RNLS: variants seen among roughly 807,000 people sequenced by gnomAD.
RNLS encodes renalase.
A neutral mutation model predicts 39.8 loss-of-function variants in RNLS; 39 were observed. The observed-to-expected ratio is 0.98, with a 90% CI of 0.76 to 1.28. RNLS has a LOEUF of 1.28. RNLS is among the 50% of genes most tolerant of loss of function. RNLS has a pLI of 0.00. For missense variants in RNLS, 410 were observed against 413.3 expected (o/e 0.99, Z 0.07); for synonymous variants, 147 against 150.7 (o/e 0.98, Z 0.18).
At chr10:88,561,050 T>C (rs1849158874) in intron 4 of RNLS, among the ~76,000 whole-genome samples, 1 of 150,846 alleles carries the variant, frequency 6.6e-6, no homozygotes, top group African/African-American at 2.4e-5. Flanking sequence ...CTAGCTGGAG[T>C]TTAGGGTAGA....
At chr10:88,317,138 G>T (rs1370030235) in intron 5 of RNLS, among the ~76,000 whole-genome samples, 2 of 152,128 alleles carry the variant, frequency 1.3e-5, no homozygotes, top group Non-Finnish European at 2.9e-5. Flanking sequence ...TAAATGTAAA[G>T]CTCACAGTAA....
intron 4 of RNLS, among the ~76,000 whole-genome samples, chr10:88,421,399 C>A (rs1170585487): frequency 6.6e-6 from 1 of 152,206 alleles, no homozygotes; most frequent in South Asian, 2.1e-4. Context: ...CAACATATTG[C>A]TGTTTACCCA....
chr10:88,446,356 A>G (rs998128905), intron 4 of RNLS, among the ~76,000 whole-genome samples: 3 of 152,218 alleles, frequency 2.0e-5, no homozygotes, highest in African/African-American at 7.2e-5. Context: ...CCCACAAGAG[A>G]AAGTAGGAAA....
intron 4 of RNLS, among the ~76,000 whole-genome samples, chr10:88,509,920 T>C (rs1201096074): frequency 5.3e-5 from 8 of 152,202 alleles, no homozygotes; most frequent in Non-Finnish European, 1.2e-4. Flanking sequence ...GGACTGTTTC[T>C]GCCAAGATGA....
At chr10:88,390,470 A>G (rs1437931256) in intron 4 of RNLS, among the ~76,000 whole-genome samples, 1 of 152,226 alleles carries the variant, frequency 6.6e-6, no homozygotes, top group African/African-American at 2.4e-5. Context: ...ATTATTTAGT[A>G]TTATTTCAGT....
chr10:88,493,643 T>G (rs1845006330), intron 4 of RNLS, among the ~76,000 whole-genome samples: 1 of 152,162 alleles, frequency 6.6e-6, no homozygotes, highest in Non-Finnish European at 1.5e-5. Flanking sequence ...GTTGCAGGGA[T>G]AGATCTATGA....
At chr10:88,394,557 A>G (rs1306882663) in intron 4 of RNLS, among the ~76,000 whole-genome samples, 2 of 152,200 alleles carry the variant, frequency 1.3e-5, no homozygotes, top group African/African-American at 2.4e-5. Flanking sequence ...GGTGCTGGAG[A>G]GAATGTGGAG....
At chr10:88,210,858 T>C in the RNLS span, among the ~76,000 whole-genome samples, 1 of 152,166 alleles carries the variant, frequency 6.6e-6, no homozygotes, top group Admixed American at 6.5e-5. Flanking sequence ...TTCCCCCTTT[T>C]TAAGTGTGAG....
intron 4 of RNLS, among the ~76,000 whole-genome samples, chr10:88,370,801 T>C (rs577248735): frequency 2.0e-5 from 3 of 152,232 alleles, no homozygotes; most frequent in African/African-American, 7.2e-5. Context: ...GAGTTTGAAA[T>C]TTTACCACTC....
intron 4 of RNLS, among the ~76,000 whole-genome samples, chr10:88,556,844 C>A (rs1200753360): frequency 6.6e-6 from 1 of 152,144 alleles, no homozygotes; most frequent in Non-Finnish European, 1.5e-5. Flanking sequence ...TTTCTCCTAT[C>A]TTGTTTTCTC....
intron 4 of RNLS, among the ~76,000 whole-genome samples, chr10:88,543,544 AC>A (rs1848151490): frequency 6.6e-6 from 1 of 152,206 alleles, no homozygotes; most frequent in Non-Finnish European, 1.5e-5. Flanking sequence ...TAAAAAAGAC[AC>A]ATAGGAAATG....
intron 6 of RNLS, among the ~76,000 whole-genome samples, chr10:88,292,738 C>G (rs1318372093): frequency 7.2e-5 from 11 of 152,024 alleles, no homozygotes. Context: ...GATACTCACA[C>G]TGCATCTTTT....
intron 4 of RNLS, among the ~76,000 whole-genome samples, chr10:88,494,459 G>C (rs1845057719): frequency 6.6e-6 from 1 of 152,034 alleles, no homozygotes; most frequent in Non-Finnish European, 1.5e-5. Context: ...TAATGTAATG[G>C]AACCATATTT....
chr10:88,518,707 G>C (rs1254015256), intron 4 of RNLS, among the ~76,000 whole-genome samples: 1 of 151,962 alleles, frequency 6.6e-6, no homozygotes, highest in Non-Finnish European at 1.5e-5. Context: ...CCTAGAGAGA[G>C]GAGAAAAGGA....
chr10:88,182,698 T>TGA, the RNLS span, among the ~76,000 whole-genome samples: 1,636 of 152,068 alleles, frequency 0.011, 19 homozygotes, highest in African/African-American at 0.038. Flanking sequence ...TGTGTGTGTG[T>TGA]GAGAGAGTGA....
At chr10:88,240,602 T>C in the RNLS span, among the ~76,000 whole-genome samples, 7 of 152,122 alleles carry the variant, frequency 4.6e-5, no homozygotes, top group Admixed American at 4.6e-4. Context: ...TTTCTCTTCA[T>C]TACAACCTTC....
chr10:88,183,843 G>A, the RNLS span, among the ~76,000 whole-genome samples: 240 of 152,222 alleles, frequency 1.6e-3, no homozygotes, highest in Non-Finnish European at 2.3e-3. Context: ...GTTCAGGAAC[G>A]AGTAGATAAT....
chr10:88,198,834 A>G, the RNLS span, among the ~76,000 whole-genome samples: 1 of 152,184 alleles, frequency 6.6e-6, no homozygotes, highest in Non-Finnish European at 1.5e-5. Context: ...ACCCAGTGTC[A>G]AGTAGCTCTT....
intron 4 of RNLS, among the ~76,000 whole-genome samples, chr10:88,504,844 A>AGAGTGTGT (rs1554911577): frequency 7.3e-6 from 1 of 136,166 alleles, no homozygotes; most frequent in African/African-American, 2.7e-5. Context: ...AGAGAGACAG[A>AGAGTGTGT]GTGTGTGTGT....
Sources: allele counts gnomAD v4.1 joint callset (sites outside exome capture counted in the v4.1 genomes callset), GRCh38; gene constraint gnomAD v4.1.1; transcripts MANE v1.5; gene names NCBI Gene and HGNC (gene_info 2026-07-23, HGNC 2026-07-21).